Variants in ZNF136 observed in about 807,000 individuals in gnomAD.
The protein encoded by ZNF136 is zinc finger protein 136 (clone pHZ-20).
A neutral mutation model predicts 11.4 loss-of-function variants in ZNF136; 8 were observed. That is an observed-to-expected ratio of 0.70 (90% CI 0.41 to 1.27). ZNF136 has a LOEUF of 1.27. Ranked by LOEUF, ZNF136 falls within the 50% of genes most tolerant of loss-of-function variation. The pLI, the probability that ZNF136 is intolerant of heterozygous loss-of-function variation, is 0.01. For synonymous variants in ZNF136, 190 were observed against 207.1 expected (o/e 0.92, Z 0.71); for missense variants, 590 against 656.5 (o/e 0.90, Z 1.11).
chr19:12,172,943 C>T (rs572351289), intron 1 of ZNF136, among the ~76,000 whole-genome samples: 2 of 152,034 alleles, frequency 1.3e-5, no homozygotes, highest in Admixed American at 6.6e-5. Flanking sequence ...ACCAGGGAGT[C>T]GGAGGTTGCA....
At position 12,189,014 on chromosome 19, in the gene ZNF136, A is replaced by C. The variant is rs1015537143; in HGVS notation, c.*1013A>C. On this transcript the variant is annotated 3_prime_UTR_variant, in exon 4 of 4. Coordinates refer to ENST00000343979, the MANE Select transcript of ZNF136 (RefSeq NM_003437.5). ...TGCTTAATCTCACAAAGAAATGTTA[A>C]ATTGATATAATCCTGTAAGTAATCT... The C allele has an allele frequency of 5.3e-5, 8 of 152,208 alleles. No individual in the cohort carries two copies. The highest frequency in any genetic ancestry group is 2.6e-4 in the Admixed American group (4 of 15,280). The allele number at this position is 152,208 out of a possible 1,614,324, so 9.4% of individuals were successfully genotyped here.
rs1208378064 is a variant in ZNF136, at chr19:12,168,036, AT to A, written c.3+4839del. Reference sequence around the variant, plus strand: ...AGCCAGATACTGACTACAAATGCCCATTTTTTTTTCTTTTCTTTTTCTTTTT... The same window carrying A: ...AGCCAGATACTGACTACAAATGCCCATTTTTTTTCTTTTCTTTTTCTTTTT... On this transcript the variant is annotated intron_variant, in intron 1 of 3. Coordinates refer to ENST00000343979, the MANE Select transcript of ZNF136 (RefSeq NM_003437.5). 8.3e-4 allele frequency among the ~76,000 whole-genome samples: 49 copies of A among 58,856 alleles called. 1 individual carries two copies. Among genetic ancestry groups the A allele is most frequent in the South Asian group, 4.2e-3 (9 of 2,126 alleles). 38.6% of individuals were successfully genotyped at this position (58,856 alleles called of 152,430 possible).
Position 12,172,983 on chromosome 19 carries a change from G to T in ZNF136, c.3+9777G>T, listed in dbSNP as rs139766758. Among the ~76,000 whole-genome samples, 65 of 152,264 alleles carry T rather than the reference G, an allele frequency of 4.3e-4. 1 individual carries two copies. The East Asian group carries it at 0.012, about 29-fold the overall frequency. On this transcript the variant is annotated intron_variant, in intron 1 of 3. Transcript: ENST00000343979. Reference sequence around the variant, plus strand: ...GCCGAGATTGCGTCACTGCACTCCAGCCTGGCGACAGAGCCAGACTCCATC... The same window carrying T: ...GCCGAGATTGCGTCACTGCACTCCATCCTGGCGACAGAGCCAGACTCCATC...
chr19:12,169,920 A>G (rs529183096), intron 1 of ZNF136, among the ~76,000 whole-genome samples: 14 of 151,568 alleles, frequency 9.2e-5, no homozygotes, highest in East Asian at 2.0e-4. Context: ...TCAGCCTCCC[A>G]AGTAGCTGGG....
Position 12,187,033 on chromosome 19 carries a change from A to C in ZNF136, c.655A>C (p.Thr219Pro). The change falls in exon 4 of 4, where the codon ACT becomes CCT. Residue 219 changes from threonine (T) to proline (P), a missense_variant. By Grantham distance (38) the Thr-to-Pro change is conservative. Coordinates refer to ENST00000343979, the MANE Select transcript of ZNF136 (RefSeq NM_003437.5). ...ATTTCGAACACATGAAAGAAGTCAC[A>C]CTGGAGAGAAACCCTATGAATGTCA... The part of the protein sequence containing the change: ...SRFRTHERSH[T>P]GEKPYECQEC... The C allele has an allele frequency of 6.2e-7, 1 of 1,614,186 alleles. No individual in the cohort carries two copies. The highest frequency in any genetic ancestry group is 8.5e-7 in the Non-Finnish European group (1 of 1,180,022).
intron 1 of ZNF136, chr19:12,184,613 A>G (rs1915037377): frequency 6.6e-6 from 1 of 151,872 alleles, no homozygotes; most frequent in Non-Finnish European, 1.5e-5. Context: ...GTACTTAATT[A>G]TATTTGATCT....
intron 1 of ZNF136, among the ~76,000 whole-genome samples, chr19:12,181,479 G>GTTT (rs61067620): frequency 7.1e-6 from 1 of 140,946 alleles, no homozygotes; most frequent in Non-Finnish European, 1.6e-5. Context: ...ATTTGTTTTT[G>GTTT]TTTTTTTTTT....
chr19:12,178,842 A>T (rs147274159), intron 1 of ZNF136, among the ~76,000 whole-genome samples: 2,806 of 152,076 alleles, frequency 0.018, 29 homozygotes, highest in Middle Eastern at 0.037. Flanking sequence ...TGCAAAAATT[A>T]GCCGGGCGTG....
intron 1 of ZNF136, 29 bp from the exon 2 acceptor site, chr19:12,185,756 C>G (rs1044627545): frequency 1.4e-5 from 22 of 1,606,390 alleles, no homozygotes; most frequent in Non-Finnish European, 1.8e-5. Flanking sequence ...CTCACCCATT[C>G]TCCTCTCCAC....
At position 12,189,695 on chromosome 19, in the gene ZNF136, T is replaced by A. The variant is rs1036858740; in HGVS notation, c.*1694T>A. 1 of 152,168 alleles carries A rather than the reference T, an allele frequency of 6.6e-6. No individual in the cohort carries two copies. The highest frequency in any genetic ancestry group is 1.5e-5 in the Non-Finnish European group (1 of 68,036). 9.4% of individuals were successfully genotyped at this position (152,168 alleles called of 1,614,324 possible). Reference sequence around the variant, plus strand: ...GCTCAAATAATTTTATTTTGCTTCCTATTAAAGAGTTGTTGTTAATTCTAA... The same window carrying A: ...GCTCAAATAATTTTATTTTGCTTCCAATTAAAGAGTTGTTGTTAATTCTAA... On this transcript the variant is annotated 3_prime_UTR_variant, in exon 4 of 4. Coordinates refer to ENST00000343979, the MANE Select transcript of ZNF136 (RefSeq NM_003437.5).
intron 1 of ZNF136, 52 bp downstream of exon 1, chr19:12,163,258 C>G: frequency 7.4e-7 from 1 of 1,354,068 alleles, no homozygotes; most frequent in Non-Finnish European, 9.6e-7. Context: ...GCTGGTTGGA[C>G]GACCGGAACT....
Position 12,187,387 on chromosome 19 carries a change from G to A in ZNF136, c.1009G>A (p.Val337Ile), listed in dbSNP as rs142801744. The change falls in exon 4 of 4, where the codon GTA becomes ATA. Residue 337 changes from valine (V) to isoleucine (I), a missense_variant. Transcript: ENST00000343979. ...AATTCACACTGGTGAGAAACCCTTC[G>A]TATGTAAACAATGTGGTAAAGCCTT... ...ERIHTGEKPF[V>I]CKQCGKAFRS... The A allele has an allele frequency of 6.3e-5, 101 of 1,613,822 alleles. No individual in the cohort carries two copies. The African/African-American group carries it at 8.3e-4, about 13-fold the overall frequency.
Position 12,187,847 on chromosome 19 carries a change from C to T in ZNF136, c.1469C>T (p.Ser490Phe), listed in dbSNP as rs867955627. Residue 490 changes from serine to phenylalanine, a missense_variant, in exon 4 of 4, where the codon TCC becomes TTC. Physicochemically the swap from Ser to Phe is radical, Grantham distance 155. Transcript: ENST00000343979. ...GGTAAAGCCTTTAGATCTTCTAGTT[C>T]CTTTCGACTACATGAAAGGACTCAC... ...RCGKAFRSSS[S>F]FRLHERTHTG... 2 of 1,604,682 alleles carry T rather than the reference C, an allele frequency of 1.2e-6. No individual in the cohort carries two copies. The highest frequency in any genetic ancestry group is 1.7e-6 in the Non-Finnish European group (2 of 1,176,830).
chr19:12,179,879 T>G (rs971828680), intron 1 of ZNF136, among the ~76,000 whole-genome samples: 1 of 152,268 alleles, frequency 6.6e-6, no homozygotes, highest in East Asian at 1.9e-4. Context: ...TAATTTTTTT[T>G]TTTTGAGACA....
intron 1 of ZNF136, among the ~76,000 whole-genome samples, chr19:12,173,324 G>A (rs764759389): frequency 3.9e-5 from 6 of 152,050 alleles, no homozygotes; most frequent in Non-Finnish European, 7.4e-5. Flanking sequence ...GCAGTTCTAC[G>A]GGGTGTTCCA....
chr19:12,164,130 C>G (rs1977151493), intron 1 of ZNF136, among the ~76,000 whole-genome samples: 1 of 152,102 alleles, frequency 6.6e-6, no homozygotes, highest in Non-Finnish European at 1.5e-5. Flanking sequence ...TGCCCTGGGA[C>G]TAGGATAAAT....
intron 1 of ZNF136, among the ~76,000 whole-genome samples, chr19:12,173,530 A>G (rs1914712332): frequency 6.6e-6 from 1 of 152,174 alleles, no homozygotes; most frequent in Admixed American, 6.5e-5. Flanking sequence ...GTCATACTGT[A>G]ACTCTACCGG....
chr19:12,181,533 C>T (rs376837657), intron 1 of ZNF136, among the ~76,000 whole-genome samples: 1 of 150,668 alleles, frequency 6.6e-6, no homozygotes, highest in East Asian at 1.9e-4. Flanking sequence ...AATGCAGTGG[C>T]GCAATCTCCA....
rs1464974994 is a variant in ZNF136 at position 12,163,102 on chromosome 19, C to T, written c.-102C>T. 2 of 1,299,294 alleles carry T rather than the reference C, an allele frequency of 1.5e-6. No individual in the cohort carries two copies. Among genetic ancestry groups the T allele is most frequent in the Non-Finnish European group, 2.0e-6 (2 of 997,178 alleles). The allele number at this position is 1,299,294 out of a possible 1,614,324, so 80.5% of individuals were successfully genotyped here. Reference sequence around the variant, plus strand: ...CCGTACTTGGTTTCGCTTCGCTAGTCCCAGAGGCCCAGAGTGGCTCGCCTG... The same window carrying T: ...CCGTACTTGGTTTCGCTTCGCTAGTTCCAGAGGCCCAGAGTGGCTCGCCTG... On this transcript the variant is annotated 5_prime_UTR_variant, in exon 1 of 4. Transcript: ENST00000343979.
Sources: gnomAD v4.1 joint callset for allele counts (sites outside exome capture counted in the v4.1 genomes callset) on GRCh38, gnomAD v4.1.1 for gene constraint, MANE v1.5 for transcripts, NCBI Gene and HGNC (gene_info 2026-07-23, HGNC 2026-07-21) for gene names.